The following TBC1D32 variants were observed in gnomAD, a reference collection of about 807,000 sequenced individuals.
The protein encoded by TBC1D32 is protein broad-minded.
In TBC1D32, 151 loss-of-function variants were observed where a neutral mutation model predicts 170.3. That is an observed-to-expected ratio of 0.89 (90% CI 0.78 to 1.01). The LOEUF is 1.01. Ranked by LOEUF, TBC1D32 falls within the 50% of genes least tolerant of loss-of-function variation. The probability of loss-of-function intolerance (pLI) is 0.00; values close to 1 mark genes in which losing one functional copy is unlikely to be tolerated. For missense variants in TBC1D32, 1,464 were observed against 1,457.1 expected (o/e 1.00, Z -0.08); for synonymous variants, 498 against 488.0 (o/e 1.02, Z -0.27).
At chr6:121,101,459 T>C (rs1337660033) in intron 30 of TBC1D32, among the ~76,000 whole-genome samples, 1 of 151,880 alleles carries the variant, frequency 6.6e-6, no homozygotes, top group Non-Finnish European at 1.5e-5. Context: ...ATGTAATCCA[T>C]CACATAAACT....
At chr6:121,207,709 A>C (rs1792459933) in intron 21 of TBC1D32, among the ~76,000 whole-genome samples, 1 of 152,222 alleles carries the variant, frequency 6.6e-6, no homozygotes. Context: ...GAAATTCTGT[A>C]TATTTTTAAA....
At chr6:121,096,928 C>A (rs981066944) in intron 30 of TBC1D32, among the ~76,000 whole-genome samples, 1 of 152,020 alleles carries the variant, frequency 6.6e-6, no homozygotes, top group Non-Finnish European at 1.5e-5. Flanking sequence ...ACAAACCTGA[C>A]AAAAACAAGC....
chr6:121,121,786 T>A (rs937254848), intron 26 of TBC1D32, among the ~76,000 whole-genome samples: 18 of 151,956 alleles, frequency 1.2e-4, no homozygotes, highest in Admixed American at 6.6e-5. Flanking sequence ...GAGAATGAAA[T>A]GATAGGTAAA....
rs937740540 is a variant in TBC1D32 at position 121,228,964 on chromosome 6, A to G, written c.2365-5612T>C. ...TATGTCTTTCTGGCGTATTGACCATATTCATATTATCATTATAAAATGTGT... is the reference window on the plus strand; with the variant it reads ...TATGTCTTTCTGGCGTATTGACCATGTTCATATTATCATTATAAAATGTGT... On this transcript the variant is annotated intron_variant, in intron 20 of 31. Transcript: ENST00000398212. 4.6e-5 allele frequency among the ~76,000 whole-genome samples: 7 copies of G among 152,144 alleles called. 1 individual carries two copies. The highest frequency in any genetic ancestry group is 1.7e-4 in the African/African-American group (7 of 41,444).
intron 31 of TBC1D32, among the ~76,000 whole-genome samples, chr6:121,090,359 A>G (rs1360838904): frequency 1.3e-5 from 2 of 152,250 alleles, no homozygotes; most frequent in African/African-American, 4.8e-5. Context: ...TGTAATTGAG[A>G]AAGTAACTAT....
intron 26 of TBC1D32, among the ~76,000 whole-genome samples, chr6:121,125,094 C>T (rs181098852): frequency 4.7e-4 from 72 of 152,202 alleles, no homozygotes; most frequent in African/African-American, 1.7e-3. Flanking sequence ...TGTGGACACC[C>T]GATGATATCT....
chr6:121,267,251 A>G (rs1173239884), intron 15 of TBC1D32, among the ~76,000 whole-genome samples: 1 of 152,082 alleles, frequency 6.6e-6, no homozygotes, highest in Non-Finnish European at 1.5e-5. Flanking sequence ...AAGGTACCAG[A>G]TTCATCTCAC....
At chr6:121,146,972 C>A (rs2128230234) in intron 24 of TBC1D32, among the ~76,000 whole-genome samples, 1 of 152,174 alleles carries the variant, frequency 6.6e-6, no homozygotes, top group East Asian at 1.9e-4. Flanking sequence ...CCCCCTTCCT[C>A]CCTCCATCAC....
At chr6:121,161,633 C>T (rs569697714) in intron 22 of TBC1D32, among the ~76,000 whole-genome samples, 1 of 152,178 alleles carries the variant, frequency 6.6e-6, no homozygotes, top group South Asian at 2.1e-4. Flanking sequence ...GTGAATAGTG[C>T]TGCAATGAAC....
At chr6:121,085,246 C>T (rs1045175736) in intron 31 of TBC1D32, among the ~76,000 whole-genome samples, 7 of 117,942 alleles carry the variant, frequency 5.9e-5, no homozygotes, top group South Asian at 2.3e-4. Context: ...CATATACATA[C>T]GTATATATAT....
At chr6:121,143,956 G>A (rs529902087) in intron 24 of TBC1D32, among the ~76,000 whole-genome samples, 4 of 151,998 alleles carry the variant, frequency 2.6e-5, no homozygotes, top group South Asian at 2.1e-4. Context: ...ATCAGAATGA[G>A]ATATTATGAA....
chr6:121,181,907 T>A lies in TBC1D32; in HGVS notation c.2571-20851A>T, dbSNP rs115886771. On this transcript the variant is annotated intron_variant, in intron 22 of 31. Coordinates refer to ENST00000398212, the MANE Select transcript of TBC1D32 (RefSeq NM_152730.6). Reference sequence around the variant, plus strand: ...TATATCACATGTTCTTACTCACATGTGGGAGTTTAAAAAGCAGATTTCATG... The same window carrying A: ...TATATCACATGTTCTTACTCACATGAGGGAGTTTAAAAAGCAGATTTCATG... 6.3e-3 allele frequency among the ~76,000 whole-genome samples: 961 copies of A among 152,142 alleles called. 8 individuals carry two copies. Among genetic ancestry groups the A allele is most frequent in the African/African-American group, 0.022 (918 of 41,510 alleles).
At chr6:121,143,470 G>A (rs1054097910) in intron 24 of TBC1D32, among the ~76,000 whole-genome samples, 1 of 152,160 alleles carries the variant, frequency 6.6e-6, no homozygotes, top group Non-Finnish European at 1.5e-5. Flanking sequence ...CAGATGAGAT[G>A]CTAACTGTAG....
At chr6:121,134,996 ATAATC>A (rs1242864518) in intron 24 of TBC1D32, among the ~76,000 whole-genome samples, 2 of 152,112 alleles carry the variant, frequency 1.3e-5, no homozygotes, top group African/African-American at 2.4e-5. Flanking sequence ...AAGTGCAAAA[ATAATC>A]TAAAGACTGG....
intron 31 of TBC1D32, among the ~76,000 whole-genome samples, chr6:121,082,389 T>C (rs938381021): frequency 4.6e-5 from 7 of 152,204 alleles, no homozygotes; most frequent in Admixed American, 3.3e-4. Flanking sequence ...ACAGTTATTG[T>C]TATAGTCGTG....
intron 15 of TBC1D32, among the ~76,000 whole-genome samples, chr6:121,264,133 C>T (rs6932624): frequency 2.6e-5 from 4 of 151,910 alleles, no homozygotes; most frequent in African/African-American, 4.8e-5. Flanking sequence ...CAGAAAAAAT[C>T]AATGAATCCA....
chr6:121,081,330 T>G (rs73766689), intron 31 of TBC1D32, among the ~76,000 whole-genome samples: 4,912 of 152,218 alleles, frequency 0.032, 273 homozygotes, highest in African/African-American at 0.11. Flanking sequence ...CTAATGTTGG[T>G]ACTATGCACA....
At position 121,256,213 on chromosome 6, in the gene TBC1D32, T is replaced by C; in HGVS notation, c.1806A>G (p.Gly602=). The change falls in exon 16 of 32, where the codon GGA becomes GGG. Residue 602 remains glycine (G), a synonymous_variant. Transcript: ENST00000398212. The part of the protein sequence containing the change: ...LLDEDISIFS[G]SEMLPVVKGA... ...CTTTAACCACAGGCAACATTTCTGATCCAGAAAATATAGAAATATCTTCAT... is the reference window on the plus strand; with the variant it reads ...CTTTAACCACAGGCAACATTTCTGACCCAGAAAATATAGAAATATCTTCAT... 6.2e-7 allele frequency: 1 copy of C among 1,613,902 alleles called. No individual in the cohort carries two copies. The highest frequency in any genetic ancestry group is 8.5e-7 in the Non-Finnish European group (1 of 1,179,850).
intron 24 of TBC1D32, among the ~76,000 whole-genome samples, chr6:121,141,787 G>A (rs1335617455): frequency 1.3e-5 from 2 of 151,860 alleles, no homozygotes; most frequent in South Asian, 4.2e-4. Flanking sequence ...TCAGGGTGGT[G>A]GGAAAAGTTG....
Sources: gnomAD v4.1 joint callset for allele counts (sites outside exome capture counted in the v4.1 genomes callset) on GRCh38, gnomAD v4.1.1 for gene constraint, MANE v1.5 for transcripts, NCBI Gene and HGNC (gene_info 2026-07-23, HGNC 2026-07-21) for gene names.